Variants in FAM193B observed in about 807,000 individuals in gnomAD.
The protein encoded by FAM193B is protein FAM193B.
A neutral mutation model predicts 70.7 loss-of-function variants in FAM193B; 27 were observed. The observed-to-expected ratio is 0.38, with a 90% CI of 0.28 to 0.53. The LOEUF (loss-of-function observed/expected upper bound fraction) is 0.53, where lower values mean the gene tolerates loss of function less well. Among genes scored for constraint, FAM193B ranks in the 20% least tolerant of loss-of-function variants. The pLI is 0.81. For missense variants in FAM193B, 1,022 were observed against 1,072.5 expected, an observed-to-expected ratio of 0.95 and a Z score of 0.66; for synonymous variants, 448 against 436.0, an observed-to-expected ratio of 1.03 and a Z score of -0.34.
chr5:177,534,505 T>C (rs1343970838), intron 4 of FAM193B, among the ~76,000 whole-genome samples: 1 of 151,992 alleles, frequency 6.6e-6, no homozygotes, highest in Non-Finnish European at 1.5e-5. Flanking sequence ...GGTTTCACCA[T>C]GCTGGCCAGG....
At chr5:177,539,557 T>C (rs903430884) in intron 1 of FAM193B, among the ~76,000 whole-genome samples, 9 of 152,228 alleles carry the variant, frequency 5.9e-5, no homozygotes, top group African/African-American at 2.2e-4. Flanking sequence ...CCAATGCCCA[T>C]CTGGAAGGAA....
chr5:177,543,736 T>A (rs1765114463), intron 1 of FAM193B, among the ~76,000 whole-genome samples: 1 of 152,244 alleles, frequency 6.6e-6, no homozygotes, highest in Non-Finnish European at 1.5e-5. Context: ...CAGAGTTCCC[T>A]TTGACTGTGA....
At chr5:177,551,444 G>A (rs1420943622) in intron 1 of FAM193B, among the ~76,000 whole-genome samples, 1 of 152,166 alleles carries the variant, frequency 6.6e-6, no homozygotes, top group Admixed American at 6.5e-5. Flanking sequence ...TGCTTTAAAT[G>A]TGTACAGGTT....
In FAM193B at chr5:177,532,294, A is replaced by C; in HGVS notation, c.1275+149T>G. 6.7e-7 allele frequency: 1 copy of C among 1,485,772 alleles called. No individual in the cohort carries two copies. The highest frequency in any genetic ancestry group is 8.9e-7 in the Non-Finnish European group (1 of 1,119,790). The allele number at this position is 1,485,772 out of a possible 1,614,324, so 92.0% of individuals were successfully genotyped here. On this transcript the variant is annotated intron_variant, in intron 5 of 8. Transcript: ENST00000514747. The surrounding 1 kb of genome is among the most constrained non-coding windows in gnomAD (Gnocchi z 4.9). The stretch of plus-strand genomic sequence containing the variant: ...CCTACCTCACAAATGTGCTGTGAGG[A>C]TCAAGCGAGCAGACGCAGGTGCAAG...
At position 177,536,497 on chromosome 5, in the gene FAM193B, G is replaced by T. The variant is rs1332657973; in HGVS notation, c.937C>A (p.Pro313Thr). Residue 313 changes from proline to threonine, a missense_variant, in exon 4 of 9, where the codon CCC becomes ACC. Pro to Thr is a conservative substitution (Grantham distance 38). Transcript: ENST00000514747. ...TTCAGGAGCGGCATGCTGGTGGAGGGTAGATGGGAGCTCTGACATGGCCCT... is the reference window on the plus strand; with the variant it reads ...TTCAGGAGCGGCATGCTGGTGGAGGTTAGATGGGAGCTCTGACATGGCCCT... ...TPGPCQSSHLPSTSMPLLKMP... is the reference protein window; with the variant it reads ...TPGPCQSSHLTSTSMPLLKMP... 1.0e-5 allele frequency: 16 copies of T among 1,570,682 alleles called. No homozygotes were observed. Among genetic ancestry groups the T allele is most frequent in the Admixed American group, 2.1e-5 (1 of 48,614 alleles).
intron 5 of FAM193B, chr5:177,531,450 C>A (rs762404238): frequency 2.9e-6 from 4 of 1,363,836 alleles, no homozygotes; most frequent in Non-Finnish European, 3.9e-6. Context: ...GCTCCTCTTT[C>A]CGCCTGGTCA....
chr5:177,535,921 ATTT>A (rs34923745), intron 4 of FAM193B, among the ~76,000 whole-genome samples: 18 of 143,794 alleles, frequency 1.3e-4, no homozygotes, highest in Admixed American at 4.1e-4. Context: ...CCCACATACT[ATTT>A]TTTTTTTTTT....
chr5:177,553,339 G>C (rs974896901), intron 1 of FAM193B: 1 of 992,264 alleles, frequency 1.0e-6, no homozygotes, highest in Non-Finnish European at 1.2e-6. Flanking sequence ...ACTCCTGCAG[G>C]AGCCTGCCTT....
At chr5:177,545,226 T>C (rs1765271192) in intron 1 of FAM193B, among the ~76,000 whole-genome samples, 1 of 152,162 alleles carries the variant, frequency 6.6e-6, no homozygotes, top group African/African-American at 2.4e-5. Context: ...ATATTTTTAG[T>C]AGAGACAGGG....
chr5:177,554,498 C>CCGCCGCCGG lies in FAM193B; in HGVS notation c.-41_-40insCCGGCGGCG, dbSNP rs1234463648. Reference sequence around the variant, plus strand: ...CGCTCCCTCGCTCCACACGCCGCCGCCGCCGCCGCCGCCGCCGCCGCCGCC... The same window carrying CCGCCGCCGG: ...CGCTCCCTCGCTCCACACGCCGCCGCCGCCGCCGGCGCCGCCGCCGCCGCCGCCGCCGCC... On this transcript the variant is annotated 5_prime_UTR_variant, in exon 1 of 9. Transcript: ENST00000514747. 1 of 675,746 alleles carries CCGCCGCCGG rather than the reference C, an allele frequency of 1.5e-6. No individual in the cohort carries two copies. The highest frequency in any genetic ancestry group is 6.8e-5 in the Admixed American group (1 of 14,640). 41.9% of individuals were successfully genotyped at this position (675,746 alleles called of 1,614,324 possible).
intron 1 of FAM193B, among the ~76,000 whole-genome samples, chr5:177,547,858 A>G (rs573123395): frequency 1.3e-5 from 2 of 152,132 alleles, no homozygotes; most frequent in Non-Finnish European, 2.9e-5. Flanking sequence ...TGAAGGGGAG[A>G]TGGACTGCAG....
At chr5:177,542,757 C>T (rs558294005) in intron 1 of FAM193B, among the ~76,000 whole-genome samples, 11 of 152,360 alleles carry the variant, frequency 7.2e-5, no homozygotes, top group African/African-American at 2.6e-4. Flanking sequence ...CCTCTCCCAT[C>T]TCCTCCTAGT....
At chr5:177,551,626 A>G (rs1204125869) in intron 1 of FAM193B, among the ~76,000 whole-genome samples, 1 of 152,266 alleles carries the variant, frequency 6.6e-6, no homozygotes, top group East Asian at 1.9e-4. Flanking sequence ...ATGTGTGGGA[A>G]ACCTTTTGAT....
chr5:177,530,378 C>A (rs1456590068), intron 5 of FAM193B, among the ~76,000 whole-genome samples: 1 of 152,172 alleles, frequency 6.6e-6, no homozygotes, highest in African/African-American at 2.4e-5. Flanking sequence ...GTGAAAGGCA[C>A]CACCATCTTG....
intron 1 of FAM193B, 168 bp downstream of exon 1, chr5:177,554,081 C>G: frequency 7.2e-7 from 1 of 1,383,076 alleles, no homozygotes; most frequent in Non-Finnish European, 9.4e-7. Context: ...GGAGAGGGGT[C>G]CAGCCTCCAT....
At chr5:177,554,146 C>G in intron 1 of FAM193B, 103 bp downstream of exon 1, 1 of 1,443,584 alleles carries the variant, frequency 6.9e-7, no homozygotes, top group Non-Finnish European at 9.1e-7. Context: ...GCTGCTACCC[C>G]AGCCGCGGCA....
chr5:177,554,017 G>C (rs1260344009), intron 1 of FAM193B: 34 of 1,315,258 alleles, frequency 2.6e-5, no homozygotes, highest in Non-Finnish European at 3.3e-5. Flanking sequence ...GCGGCGGGGA[G>C]AGGGGAGCAG....
chr5:177,538,238 A>G lies in FAM193B; in HGVS notation c.454-131T>C, dbSNP rs1240633097. On this transcript the variant is annotated intron_variant, in intron 2 of 8. Transcript: ENST00000514747. The surrounding 1 kb of genome is among the most constrained non-coding windows in gnomAD (Gnocchi z 4.1). ...GTGCCATAGCAAAAACACAATTAAT[A>G]CAACTCCAGCTATAAGAACAAATGA... is the stretch of plus-strand genomic sequence containing the variant. The G allele has an allele frequency of 2.1e-5, 19 of 909,062 alleles. No homozygotes were observed. Among genetic ancestry groups the G allele is most frequent in the Non-Finnish European group, 3.1e-5 (19 of 616,578 alleles). The allele number at this position is 909,062 out of a possible 1,614,324, so 56.3% of individuals were successfully genotyped here.
In FAM193B at chr5:177,532,627, T is replaced by C; in HGVS notation, c.1091A>G (p.Lys364Arg). 1.3e-6 allele frequency: 2 copies of C among 1,548,424 alleles called. No individual in the cohort carries two copies. Among genetic ancestry groups the C allele is most frequent in the Non-Finnish European group, 8.7e-7 (1 of 1,155,428 alleles). The change falls in exon 5 of 9, where the codon AAG becomes AGG. Residue 364 changes from lysine (K) to arginine (R), a missense_variant. Transcript: ENST00000514747. This position sits in a 1 kb window ranked among gnomAD's most constrained non-coding sequence, Gnocchi z 4.9. ...LPSTHRDPGC[K>R]GHKFAHSGLA... ...GCCACTGTGTGCAAACTTGTGCCCC[T>C]TGCACCCGGGATCCCTGATGATGGG... is the stretch of plus-strand genomic sequence containing the variant.
Sources: gnomAD v4.1 joint callset for allele counts (sites outside exome capture counted in the v4.1 genomes callset) on GRCh38, gnomAD v4.1.1 for gene constraint, Gnocchi (gnomAD v3.1) non-coding constraint, MANE v1.5 for transcripts, NCBI Gene and HGNC (gene_info 2026-07-23, HGNC 2026-07-21) for gene names.